The following SMARCA1 variants were observed in gnomAD, a reference collection of about 807,000 sequenced individuals.
SMARCA1 encodes the protein SWI/SNF-related matrix-associated actin-dependent regulator of chromatin subfamily A member 1.
A neutral mutation model predicts 93.6 loss-of-function variants in SMARCA1; 17 were observed. The ratio of observed to expected loss-of-function variants is 0.18; its 90% CI spans 0.12 to 0.27. The LOEUF is 0.27. Among genes scored for constraint, SMARCA1 ranks in the 10% least tolerant of loss-of-function variants. The probability of loss-of-function intolerance (pLI) is 1.00; values close to 1 mark genes in which losing one functional copy is unlikely to be tolerated. For synonymous variants in SMARCA1, 271 were observed against 271.4 expected, an observed-to-expected ratio of 1.00 and a Z score of 0.01; for missense variants, 630 against 819.0, an observed-to-expected ratio of 0.77 and a Z score of 2.82.
At chrX:129,478,307 G>C (rs1186317813) in intron 19 of SMARCA1, among the ~76,000 whole-genome samples, 2 of 111,827 alleles carry the variant, frequency 1.8e-5, no homozygotes, top group Non-Finnish European at 3.8e-5. Flanking sequence ...ACTTGGCCCA[G>C]TACCTGGCAC....
chrX:129,513,637 A>G (rs918356484), intron 5 of SMARCA1, among the ~76,000 whole-genome samples: 1 of 108,502 alleles, frequency 9.2e-6, no homozygotes. Flanking sequence ...ATTCATCACT[A>G]AAGATCAGAT....
intron 23 of SMARCA1, among the ~76,000 whole-genome samples, chrX:129,458,805 T>C (rs185995193): frequency 1.1e-3 from 119 of 112,433 alleles, no homozygotes; most frequent in African/African-American, 3.5e-3. Context: ...TCCGCATTTG[T>C]GCCTCTGAAT....
At chrX:129,496,523 G>A (rs1934333617) in intron 12 of SMARCA1, among the ~76,000 whole-genome samples, 1 of 110,711 alleles carries the variant, frequency 9.0e-6, no homozygotes, top group African/African-American at 3.3e-5. Context: ...ATGGTGTAGT[G>A]CCCTTTAGAT....
At chrX:129,502,071 A>G (rs915144761) in intron 9 of SMARCA1, among the ~76,000 whole-genome samples, 1 of 111,851 alleles carries the variant, frequency 8.9e-6, no homozygotes, top group African/African-American at 3.2e-5. Flanking sequence ...GTAAAAGAAG[A>G]CTTCTGGCTT....
chrX:129,518,802 A>G (rs1281560106), intron 1 of SMARCA1, among the ~76,000 whole-genome samples: 1 of 111,902 alleles, frequency 8.9e-6, no homozygotes, highest in African/African-American at 3.2e-5. Context: ...GAAAAGGCTA[A>G]TATCAACCAC....
At chrX:129,495,851 C>T (rs1934304923) in intron 12 of SMARCA1, among the ~76,000 whole-genome samples, 1 of 105,057 alleles carries the variant, frequency 9.5e-6, no homozygotes, top group South Asian at 4.6e-4. Flanking sequence ...TGGCTCAATG[C>T]AACCTCCGCC....
chrX:129,493,480 G>C (rs1440276710), intron 12 of SMARCA1, among the ~76,000 whole-genome samples: 1 of 111,346 alleles, frequency 9.0e-6, no homozygotes, highest in Non-Finnish European at 1.9e-5. Flanking sequence ...TGGATGGCAT[G>C]GTCAAAGTTT....
chrX:129,448,519 T>A, intron 23 of SMARCA1, 76 bp from the exon 24 acceptor site: 1 of 920,331 alleles, frequency 1.1e-6, no homozygotes, highest in Non-Finnish European at 1.5e-6. Context: ...TATTTAACTG[T>A]ATGATTTCTG....
At chrX:129,481,929 C>G (rs1202192722) in intron 17 of SMARCA1, among the ~76,000 whole-genome samples, 3 of 106,015 alleles carry the variant, frequency 2.8e-5, no homozygotes, top group African/African-American at 3.4e-5. Flanking sequence ...TTGGAACCAA[C>G]CCAAATGTCC....
At chrX:129,455,722 T>C (rs1213103825) in intron 23 of SMARCA1, among the ~76,000 whole-genome samples, 1 of 111,973 alleles carries the variant, frequency 8.9e-6, no homozygotes, top group Non-Finnish European at 1.9e-5. Flanking sequence ...GCCACAACAT[T>C]CCCTTAAGCC....
At chrX:129,453,111 C>G in intron 23 of SMARCA1, among the ~76,000 whole-genome samples, 2 of 111,590 alleles carry the variant, frequency 1.8e-5, no homozygotes, top group Middle Eastern at 4.6e-3. Context: ...AACTCTCTCC[C>G]TCCCTCACGC....
intron 23 of SMARCA1, among the ~76,000 whole-genome samples, chrX:129,451,564 C>A (rs1932293242): frequency 9.0e-6 from 1 of 111,557 alleles, no homozygotes; most frequent in East Asian, 2.8e-4. Flanking sequence ...ACCTTCATTC[C>A]TTTTAACCTG....
chrX:129,473,827 C>T (rs190243935), intron 19 of SMARCA1, among the ~76,000 whole-genome samples: 5 of 112,154 alleles, frequency 4.5e-5, no homozygotes, highest in Non-Finnish European at 9.4e-5. Flanking sequence ...GGAAAAGGCA[C>T]TTTCTGGGGT....
chrX:129,494,410 A>G (rs1934243972), intron 12 of SMARCA1, among the ~76,000 whole-genome samples: 1 of 111,860 alleles, frequency 8.9e-6, no homozygotes, highest in African/African-American at 3.3e-5. Flanking sequence ...AAGCCTTGAA[A>G]TATCCTCATA....
intron 23 of SMARCA1, among the ~76,000 whole-genome samples, chrX:129,452,002 C>T (rs1297967032): frequency 8.9e-6 from 1 of 112,094 alleles, no homozygotes; most frequent in African/African-American, 3.2e-5. Flanking sequence ...CACGCCCAGC[C>T]TCCATTTTTT....
intron 6 of SMARCA1, among the ~76,000 whole-genome samples, chrX:129,509,132 T>C (rs1227801378): frequency 9.4e-6 from 1 of 106,553 alleles, no homozygotes; most frequent in Non-Finnish European, 1.9e-5. Flanking sequence ...GAGGCTGCAG[T>C]GAGCTAAGAT....
At chrX:129,486,257 T>C (rs1569437983) in intron 17 of SMARCA1, among the ~76,000 whole-genome samples, 1 of 110,525 alleles carries the variant, frequency 9.0e-6, no homozygotes, top group East Asian at 2.8e-4. Context: ...GAAAGGACAT[T>C]AGGAGAAAAA....
chrX:129,516,992 T>A (rs1935224745), intron 2 of SMARCA1, among the ~76,000 whole-genome samples: 1 of 111,301 alleles, frequency 9.0e-6, no homozygotes, highest in Non-Finnish European at 1.9e-5. Flanking sequence ...CAGAAATAAC[T>A]TAAATCTTAA....
intron 23 of SMARCA1, among the ~76,000 whole-genome samples, chrX:129,448,651 T>TATCATC (rs1932124828): frequency 3.6e-5 from 4 of 110,471 alleles, no homozygotes; most frequent in Non-Finnish European, 7.6e-5. Flanking sequence ...AAACAAACCA[T>TATCATC]GATACATCCA....
Sources: gnomAD v4.1 joint callset for allele counts (sites outside exome capture counted in the v4.1 genomes callset) on GRCh38, gnomAD v4.1.1 for gene constraint, MANE v1.5 for transcripts, NCBI Gene and HGNC (gene_info 2026-07-23, HGNC 2026-07-21) for gene names.